Variants in EYA4 observed in about 807,000 individuals in gnomAD.
EYA4 encodes the protein protein phosphatase EYA4.
In EYA4, 31 loss-of-function variants were observed where a neutral mutation model predicts 87.9. That is an observed-to-expected ratio of 0.35 (90% CI 0.27 to 0.48). The LOEUF (loss-of-function observed/expected upper bound fraction) is 0.48, where lower values mean the gene tolerates loss of function less well. Ranked by LOEUF, EYA4 falls within the 20% of genes least tolerant of loss-of-function variation. The pLI is 0.99. For synonymous variants in EYA4, 263 were observed against 270.6 expected (o/e 0.97, Z 0.28); for missense variants, 678 against 761.4 (o/e 0.89, Z 1.29).
At chr6:133,248,848 C>T (rs1338010) in intron 1 of EYA4, 167 of 149,804 alleles carry the variant, frequency 1.1e-3, no homozygotes, top group African/African-American at 3.8e-3. Flanking sequence ...CTGTCAAGAA[C>T]GGCAATTCTA....
intron 3 of EYA4, among the ~76,000 whole-genome samples, chr6:133,418,985 T>C (rs889694853): frequency 6.6e-6 from 1 of 152,204 alleles, no homozygotes; most frequent in Non-Finnish European, 1.5e-5. Context: ...GCCACTGTTA[T>C]ATTGTCTAAT....
chr6:133,277,645 A>G (rs758188256), intron 2 of EYA4, among the ~76,000 whole-genome samples: 3 of 152,248 alleles, frequency 2.0e-5, no homozygotes, highest in Non-Finnish European at 4.4e-5. Flanking sequence ...TACTGACCAG[A>G]CATCCCTTCT....
rs187946816 is a variant in EYA4 at position 133,283,866 on chromosome 6, G to A, written c.33+9053G>A. 2.6e-5 allele frequency among the ~76,000 whole-genome samples: 4 copies of A among 152,246 alleles called. No individual in the cohort carries two copies. In the East Asian group the frequency reaches 7.7e-4, roughly 29 times the overall value. ...CTCCAGTGGTCTCCAAAGGTCTCCAGTGACTATTATTCCTCTCTGTTTCCA... is the reference window on the plus strand; with the variant it reads ...CTCCAGTGGTCTCCAAAGGTCTCCAATGACTATTATTCCTCTCTGTTTCCA... On this transcript the variant is annotated intron_variant, in intron 2 of 19. Transcript: ENST00000355286.
At chr6:133,257,823 A>G (rs538648593) in intron 1 of EYA4, among the ~76,000 whole-genome samples, 1 of 152,282 alleles carries the variant, frequency 6.6e-6, no homozygotes, top group South Asian at 2.1e-4. Context: ...CTTTAGAAGT[A>G]TATTTCCTTA....
At chr6:133,495,290 A>T (rs1287205844) in intron 13 of EYA4, among the ~76,000 whole-genome samples, 1 of 151,392 alleles carries the variant, frequency 6.6e-6, no homozygotes, top group Non-Finnish European at 1.5e-5. Context: ...AAAAAATCTC[A>T]TGTATCCCAT....
intron 2 of EYA4, among the ~76,000 whole-genome samples, chr6:133,365,341 T>C (rs211628): frequency 0.43 from 65,816 of 151,994 alleles, 17,434 homozygotes; most frequent in Non-Finnish European, 0.6. Context: ...ATTGAAATAG[T>C]TTTAGCCACT....
intron 13 of EYA4, among the ~76,000 whole-genome samples, chr6:133,503,096 A>G (rs1798276946): frequency 6.6e-6 from 1 of 152,222 alleles, no homozygotes. Context: ...ACCACATGCC[A>G]TGCTTGCTTG....
intron 3 of EYA4, among the ~76,000 whole-genome samples, chr6:133,421,606 A>T (rs1280770446): frequency 2.0e-5 from 3 of 152,180 alleles, no homozygotes; most frequent in Admixed American, 6.5e-5. Context: ...GTGACATTGA[A>T]TTGCAAAGTC....
At chr6:133,417,742 A>G (rs1300622308) in intron 3 of EYA4, among the ~76,000 whole-genome samples, 27 of 152,218 alleles carry the variant, frequency 1.8e-4, no homozygotes, top group Admixed American at 1.8e-3. Context: ...AAAAACACTG[A>G]GAGATATTGT....
In EYA4 at chr6:133,529,451, T is replaced by C; in HGVS notation, c.*646T>C. On this transcript the variant is annotated 3_prime_UTR_variant, in exon 20 of 20. Coordinates refer to ENST00000355286, the MANE Select transcript of EYA4 (RefSeq NM_004100.5). ...GGCAAACAGAATGTTCATACTGATG[T>C]GTTGTGCCTTAAAGACAAGACAGCA... 1.0e-6 allele frequency: 1 copy of C among 987,520 alleles called. No individual in the cohort carries two copies. Among genetic ancestry groups the C allele is most frequent in the Non-Finnish European group, 1.2e-6 (1 of 831,058 alleles). 61.2% of individuals were successfully genotyped at this position (987,520 alleles called of 1,614,324 possible).
chr6:133,432,422 G>A (rs1184860052), intron 3 of EYA4, among the ~76,000 whole-genome samples: 1 of 151,996 alleles, frequency 6.6e-6, no homozygotes, highest in Non-Finnish European at 1.5e-5. Context: ...GTTTGGATCA[G>A]CTTTGTGAAG....
chr6:133,268,398 T>G (rs770673222), intron 1 of EYA4, among the ~76,000 whole-genome samples: 5 of 152,242 alleles, frequency 3.3e-5, no homozygotes, highest in Admixed American at 6.5e-5. Flanking sequence ...TTGCCATTTA[T>G]GTAATCCATG....
At chr6:133,311,252 T>G (rs750493111) in intron 2 of EYA4, among the ~76,000 whole-genome samples, 1 of 152,110 alleles carries the variant, frequency 6.6e-6, no homozygotes, top group Non-Finnish European at 1.5e-5. Flanking sequence ...GTCCCTTCCT[T>G]CCCCTCTTTC....
intron 3 of EYA4, among the ~76,000 whole-genome samples, chr6:133,434,694 A>G (rs992123207): frequency 6.6e-6 from 1 of 152,184 alleles, no homozygotes; most frequent in African/African-American, 2.4e-5. Flanking sequence ...TGGAAATCTG[A>G]TCATTTTAAT....
chr6:133,498,102 T>C (rs973119988), intron 13 of EYA4, among the ~76,000 whole-genome samples: 1 of 152,208 alleles, frequency 6.6e-6, no homozygotes, highest in African/African-American at 2.4e-5. Context: ...AGGCTAGTCA[T>C]GAAGATAAAT....
chr6:133,516,075 C>T (rs944775100), intron 17 of EYA4, among the ~76,000 whole-genome samples: 6 of 149,548 alleles, frequency 4.0e-5, no homozygotes, highest in African/African-American at 7.3e-5. Context: ...AAGTCTGGAA[C>T]GTGATAGCTG....
chr6:133,306,204 A>G (rs1453831016), intron 2 of EYA4, among the ~76,000 whole-genome samples: 2 of 152,196 alleles, frequency 1.3e-5, no homozygotes, highest in Non-Finnish European at 2.9e-5. Context: ...AGGCTAAATG[A>G]CCAAAGATAC....
At chr6:133,389,882 A>C (rs370620954) in intron 3 of EYA4, among the ~76,000 whole-genome samples, 1 of 151,944 alleles carries the variant, frequency 6.6e-6, no homozygotes, top group Non-Finnish European at 1.5e-5. Context: ...GCCTCACCTC[A>C]CTGCCACTAT....
At chr6:133,435,092 C>T (rs1791531641) in intron 3 of EYA4, 1 of 152,136 alleles carries the variant, frequency 6.6e-6, no homozygotes, top group South Asian at 2.1e-4. Flanking sequence ...TTTTCGGAAA[C>T]ATTTATTCAC....
Sources: gnomAD v4.1 joint callset for allele counts (sites outside exome capture counted in the v4.1 genomes callset) on GRCh38, gnomAD v4.1.1 for gene constraint, MANE v1.5 for transcripts, NCBI Gene and HGNC (gene_info 2026-07-23, HGNC 2026-07-21) for gene names.